The following TASP1 variants were observed in gnomAD, a reference collection of about 807,000 sequenced individuals.
The protein encoded by TASP1 is threonine aspartase 1.
A neutral mutation model predicts 56.6 loss-of-function variants in TASP1; 16 were observed. That is an observed-to-expected ratio of 0.28 (90% confidence interval 0.19 to 0.43). The LOEUF (loss-of-function observed/expected upper bound fraction) is 0.43, where lower values mean the gene tolerates loss of function less well. Among genes scored for constraint, TASP1 ranks in the 20% least tolerant of loss-of-function variants. The pLI is 1.00. For synonymous variants in TASP1, 179 were observed against 184.2 expected, an observed-to-expected ratio of 0.97 and a Z score of 0.23; for missense variants, 393 against 511.6, an observed-to-expected ratio of 0.77 and a Z score of 2.24.
chr20:13,275,794 G>A, the TASP1 span, among the ~76,000 whole-genome samples: 1 of 152,162 alleles, frequency 6.6e-6, no homozygotes, highest in Non-Finnish European at 1.5e-5. Context: ...AGATGACAAA[G>A]GAAATGTACA....
intron 4 of TASP1, among the ~76,000 whole-genome samples, chr20:13,590,715 A>C (rs1364575643): frequency 6.6e-6 from 1 of 151,872 alleles, no homozygotes; most frequent in Non-Finnish European, 1.5e-5. Flanking sequence ...AAAATACAAA[A>C]ATTAGCTGGG....
At chr20:13,170,515 C>A in the TASP1 span, among the ~76,000 whole-genome samples, 2 of 152,196 alleles carry the variant, frequency 1.3e-5, no homozygotes. Context: ...GTCAACTGCT[C>A]TGAGAAGTTA....
At chr20:13,365,908 C>T in the TASP1 span, among the ~76,000 whole-genome samples, 1 of 152,114 alleles carries the variant, frequency 6.6e-6, no homozygotes, top group African/African-American at 2.4e-5. Context: ...TGAGACAACA[C>T]AAGATGATAG....
At chr20:13,181,726 G>C in the TASP1 span, among the ~76,000 whole-genome samples, 2 of 152,146 alleles carry the variant, frequency 1.3e-5, no homozygotes, top group Non-Finnish European at 2.9e-5. Flanking sequence ...TAAAACCCCA[G>C]CTCCACCTCT....
At chr20:13,559,214 T>G (rs1199834448) in intron 7 of TASP1, 100 bp from the exon 8 acceptor site, 1 of 648,160 alleles carries the variant, frequency 1.5e-6, no homozygotes, top group East Asian at 3.1e-5. Flanking sequence ...AAGAAAATCC[T>G]TCAGTATGTT....
At chr20:13,444,989 AAGAGG>A (rs1215218617) in intron 11 of TASP1, among the ~76,000 whole-genome samples, 3 of 152,198 alleles carry the variant, frequency 2.0e-5, no homozygotes, top group African/African-American at 4.8e-5. Flanking sequence ...TTAACTTTTA[AAGAGG>A]AGAGGAGAGT....
chr20:13,463,089 G>C (rs1008868752), intron 11 of TASP1, among the ~76,000 whole-genome samples: 1 of 152,000 alleles, frequency 6.6e-6, no homozygotes. Flanking sequence ...AACAAAATTG[G>C]AGGCTTCACA....
chr20:13,341,224 G>T, the TASP1 span, among the ~76,000 whole-genome samples: 1 of 152,208 alleles, frequency 6.6e-6, no homozygotes, highest in Non-Finnish European at 1.5e-5. Context: ...CAGAGAATAA[G>T]CATGCTAACT....
the TASP1 span, among the ~76,000 whole-genome samples, chr20:13,186,627 A>G: frequency 1.3e-5 from 2 of 152,218 alleles, no homozygotes; most frequent in Admixed American, 1.3e-4. Flanking sequence ...GCTCCATTAT[A>G]ATGACAATAT....
chr20:13,600,309 G>C (rs973254021), intron 4 of TASP1, among the ~76,000 whole-genome samples: 1 of 152,092 alleles, frequency 6.6e-6, no homozygotes, highest in Non-Finnish European at 1.5e-5. Context: ...GAATAGCAAA[G>C]AAATCTTGAA....
At chr20:13,383,354 T>C in the TASP1 span, among the ~76,000 whole-genome samples, 1 of 152,168 alleles carries the variant, frequency 6.6e-6, no homozygotes, top group Non-Finnish European at 1.5e-5. Flanking sequence ...GCCTACACTT[T>C]AAAGGAAAGC....
chr20:13,275,520 C>G, the TASP1 span, among the ~76,000 whole-genome samples: 1 of 152,208 alleles, frequency 6.6e-6, no homozygotes, highest in Non-Finnish European at 1.5e-5. Flanking sequence ...TGTTTGGGAT[C>G]AGGCACCACC....
intron 10 of TASP1, among the ~76,000 whole-genome samples, chr20:13,490,306 A>G (rs954969744): frequency 3.9e-5 from 6 of 152,208 alleles, no homozygotes; most frequent in African/African-American, 1.4e-4. Context: ...TGCATATTTT[A>G]AAACCACCTT....
chr20:13,116,802 T>C, the TASP1 span, among the ~76,000 whole-genome samples: 1 of 152,214 alleles, frequency 6.6e-6, no homozygotes, highest in African/African-American at 2.4e-5. Flanking sequence ...AAAATGCACG[T>C]TCTCAGCCCA....
chr20:13,180,659 T>C, the TASP1 span, among the ~76,000 whole-genome samples: 32 of 152,252 alleles, frequency 2.1e-4, no homozygotes, highest in East Asian at 6.2e-3. Flanking sequence ...AAAAGTAACA[T>C]TGGAATACAA....
At chr20:13,257,421 G>A in the TASP1 span, among the ~76,000 whole-genome samples, 1 of 152,168 alleles carries the variant, frequency 6.6e-6, no homozygotes, top group South Asian at 2.1e-4. Context: ...GGAGGCTGAG[G>A]TGGGAGAATC....
chr20:13,375,406 T>C, the TASP1 span, among the ~76,000 whole-genome samples: 2 of 152,292 alleles, frequency 1.3e-5, no homozygotes, highest in African/African-American at 2.4e-5. Context: ...CTGCAAAGGA[T>C]ATAAACTCAT....
the TASP1 span, among the ~76,000 whole-genome samples, chr20:13,346,806 A>C: frequency 0.01 from 1,592 of 152,324 alleles, 26 homozygotes; most frequent in African/African-American, 0.036. Context: ...CTCAAGATAC[A>C]TATAATTTGG....
At chr20:13,573,598 A>C (rs1453489604) in intron 6 of TASP1, among the ~76,000 whole-genome samples, 2 of 152,232 alleles carry the variant, frequency 1.3e-5, no homozygotes, top group African/African-American at 2.4e-5. Context: ...GCTTATTTAC[A>C]TGTGATCCAA....
Sources: allele counts gnomAD v4.1 joint callset (sites outside exome capture counted in the v4.1 genomes callset), GRCh38; gene constraint gnomAD v4.1.1; transcripts MANE v1.5; gene names NCBI Gene and HGNC (gene_info 2026-07-23, HGNC 2026-07-21).